NR3C1: variants seen among roughly 807,000 people sequenced by gnomAD.
NR3C1 encodes nuclear receptor subfamily 3 group C member 1.
Under a neutral mutation model 74.0 loss-of-function variants are expected in NR3C1, and 14 were observed. The observed-to-expected ratio is 0.19, with a 90% CI of 0.12 to 0.30. The LOEUF (loss-of-function observed/expected upper bound fraction) is 0.30, where lower values mean the gene tolerates loss of function less well. Ranked by LOEUF, NR3C1 falls within the 10% of genes least tolerant of loss-of-function variation. NR3C1 has a pLI of 1.00. For synonymous variants in NR3C1, 308 were observed against 332.5 expected (o/e 0.93, Z 0.80); for missense variants, 695 against 909.8 (o/e 0.76, Z 3.04).
At chr5:143,394,328 T>C (rs1311205898) in intron 2 of NR3C1, among the ~76,000 whole-genome samples, 1 of 152,018 alleles carries the variant, frequency 6.6e-6, no homozygotes, top group Admixed American at 6.5e-5. Flanking sequence ...GCAATATAAA[T>C]GGTTTAAGTG....
At position 143,282,655 on chromosome 5, in the gene NR3C1, TC is replaced by T; in HGVS notation, c.2093del (p.Gly698GlufsTer21). ...TTCCTTCCCTCTTGACAATGGCTTT[TC>T]CTAGCTCTTTGATGTAGGTCATTCT... ...EIRMTYIKEL[G>X]KAIVKREGNS... On this transcript the variant is annotated frameshift_variant, in exon 8 of 9. Transcript: ENST00000394464. LOFTEE classifies it high-confidence loss of function. 6.2e-7 allele frequency: 1 copy of T among 1,614,114 alleles called. No individual in the cohort carries two copies. The highest frequency in any genetic ancestry group is 8.5e-7 in the Non-Finnish European group (1 of 1,179,980).
At chr5:143,366,068 T>G (rs1833121510) in intron 2 of NR3C1, among the ~76,000 whole-genome samples, 1 of 152,000 alleles carries the variant, frequency 6.6e-6, no homozygotes, top group Non-Finnish European at 1.5e-5. Context: ...GAAGTAAGAA[T>G]TCAAATCAGG....
intron 2 of NR3C1, among the ~76,000 whole-genome samples, chr5:143,392,819 CTT>C (rs1838510549): frequency 6.6e-6 from 1 of 152,108 alleles, no homozygotes; most frequent in Admixed American, 6.5e-5. Context: ...AAAAGTAACT[CTT>C]ATAAAATATG....
At chr5:143,333,735 T>G (rs572294938) in intron 2 of NR3C1, among the ~76,000 whole-genome samples, 1 of 152,128 alleles carries the variant, frequency 6.6e-6, no homozygotes, top group African/African-American at 2.4e-5. Context: ...GCCAGTGCAC[T>G]CCAGCTGGGC....
At chr5:143,410,840 C>T (rs1841266602) in intron 1 of NR3C1, among the ~76,000 whole-genome samples, 1 of 152,172 alleles carries the variant, frequency 6.6e-6, no homozygotes. Context: ...GTGCAATGGG[C>T]AGTCTGGAAT....
At chr5:143,396,072 A>G (rs1399832377) in intron 2 of NR3C1, among the ~76,000 whole-genome samples, 1 of 151,900 alleles carries the variant, frequency 6.6e-6, no homozygotes, top group Admixed American at 6.6e-5. Flanking sequence ...CCAAAATAAC[A>G]TATGAATTAT....
chr5:143,435,411 T>C, exon 1 of NR3C1: 10 of 985,476 alleles, frequency 1.0e-5, no homozygotes, highest in Non-Finnish European at 1.2e-5. Context: ...GATTCGCCTC[T>C]ACTCAAATGT....
chr5:143,341,920 G>A (rs752316105), intron 2 of NR3C1, among the ~76,000 whole-genome samples: 2 of 152,024 alleles, frequency 1.3e-5, no homozygotes, highest in African/African-American at 4.8e-5. Flanking sequence ...GAGGGAGGAG[G>A]GGCAAAATGA....
At chr5:143,333,445 G>C (rs1328649767) in intron 2 of NR3C1, among the ~76,000 whole-genome samples, 1 of 152,132 alleles carries the variant, frequency 6.6e-6, no homozygotes, top group African/African-American at 2.4e-5. Flanking sequence ...TAGCCTAAGA[G>C]TTATAGGCTT....
chr5:143,340,368 G>T (rs1173111175), intron 2 of NR3C1, among the ~76,000 whole-genome samples: 2 of 151,336 alleles, frequency 1.3e-5, no homozygotes, highest in Non-Finnish European at 2.9e-5. Flanking sequence ...TGTGTGTATA[G>T]AAATTGACAG....
At chr5:143,284,711 G>A (rs1813939200) in intron 7 of NR3C1, among the ~76,000 whole-genome samples, 2 of 151,920 alleles carry the variant, frequency 1.3e-5, no homozygotes, top group South Asian at 4.1e-4. Context: ...AGTAAGTACA[G>A]CCTGGAATTC....
At chr5:143,347,162 T>A (rs946818367) in intron 2 of NR3C1, among the ~76,000 whole-genome samples, 2 of 152,240 alleles carry the variant, frequency 1.3e-5, no homozygotes, top group African/African-American at 4.8e-5. Context: ...CTTTTGCAAT[T>A]ATTGCAGTTT....
chr5:143,310,907 C>T (rs552250453), intron 3 of NR3C1, among the ~76,000 whole-genome samples: 14 of 152,288 alleles, frequency 9.2e-5, no homozygotes, highest in Non-Finnish European at 1.8e-4. Context: ...CCACCCGCCT[C>T]GGCCTCCCGA....
chr5:143,323,185 T>C (rs887682763), intron 2 of NR3C1, among the ~76,000 whole-genome samples: 4 of 152,212 alleles, frequency 2.6e-5, no homozygotes, highest in African/African-American at 9.7e-5. Flanking sequence ...TGCCGGTTAG[T>C]CCCTTACTAG....
chr5:143,392,661 T>C (rs1838471467), intron 2 of NR3C1, among the ~76,000 whole-genome samples: 1 of 151,984 alleles, frequency 6.6e-6, no homozygotes, highest in South Asian at 2.1e-4. Flanking sequence ...TTTCACAGAG[T>C]TGAGATTTAA....
intron 7 of NR3C1, 31 bp downstream of exon 7, chr5:143,295,429 T>C (rs369378838): frequency 1.6e-5 from 25 of 1,609,490 alleles, no homozygotes; most frequent in Non-Finnish European, 2.0e-5. Context: ...TTTCATGCTT[T>C]TGACATAAGG....
rs115067672 is a variant in NR3C1, at chr5:143,426,842, A to G, written c.-14+7690T>C. Among the ~76,000 whole-genome samples, 136 of 152,326 alleles carry G rather than the reference A, an allele frequency of 8.9e-4. 1 individual carries two copies. Among genetic ancestry groups the G allele is most frequent in the African/African-American group, 3.2e-3 (131 of 41,574 alleles). On this transcript the variant is annotated intron_variant, in intron 1 of 8. Transcript: ENST00000343796. ...CTGACCTGTGAGGCTCTGATGTGCT[A>G]CTGCAGCCTTTCAGTGTGTCTCCTG...
chr5:143,341,616 C>A (rs1178985497), intron 2 of NR3C1, among the ~76,000 whole-genome samples: 1 of 152,152 alleles, frequency 6.6e-6, no homozygotes, highest in African/African-American at 2.4e-5. Context: ...ACATGTGTAT[C>A]ATATCCTAAT....
intron 2 of NR3C1, chr5:143,332,695 A>G (rs1341010707): frequency 6.4e-7 from 1 of 1,574,000 alleles, no homozygotes; most frequent in Non-Finnish European, 8.6e-7. Flanking sequence ...AAACGTGACA[A>G]GGTGCGTCTC....
Sources: allele counts gnomAD v4.1 joint callset (sites outside exome capture counted in the v4.1 genomes callset), GRCh38; gene constraint gnomAD v4.1.1; transcripts MANE v1.5; gene names NCBI Gene and HGNC (gene_info 2026-07-23, HGNC 2026-07-21).